ADCY9: variants seen among roughly 807,000 people sequenced by gnomAD.
The protein encoded by ADCY9 is adenylate cyclase 9.
In ADCY9, 50 loss-of-function variants were observed where a neutral mutation model predicts 101.5. The ratio of observed to expected loss-of-function variants is 0.49; its 90% CI spans 0.39 to 0.62. The LOEUF is 0.62. Among genes scored for constraint, ADCY9 ranks in the 20% least tolerant of loss-of-function variants. The probability of loss-of-function intolerance (pLI) is 0.00; values close to 1 mark genes in which losing one functional copy is unlikely to be tolerated. For synonymous variants in ADCY9, 905 were observed against 769.3 expected, an observed-to-expected ratio of 1.18 and a Z score of -2.92; for missense variants, 1,662 against 1,800.4, an observed-to-expected ratio of 0.92 and a Z score of 1.39.
intron 2 of ADCY9, among the ~76,000 whole-genome samples, chr16:4,031,216 G>A (rs1253264647): frequency 6.6e-6 from 1 of 152,132 alleles, no homozygotes; most frequent in Non-Finnish European, 1.5e-5. Context: ...AGGATAATTT[G>A]TTTTGTCTGT....
At chr16:4,080,402 C>G (rs1036867400) in intron 2 of ADCY9, among the ~76,000 whole-genome samples, 1 of 152,058 alleles carries the variant, frequency 6.6e-6, no homozygotes. Flanking sequence ...CGCCACCACA[C>G]CCGATTAATT....
At chr16:3,993,283 G>A in intron 4 of ADCY9, 123 bp downstream of exon 4, 1 of 1,483,040 alleles carries the variant, frequency 6.7e-7, no homozygotes, top group Admixed American at 2.2e-5. Flanking sequence ...ACCCGCGGGT[G>A]CGGAGTGCTG....
At chr16:3,994,390 G>A (rs540998285) in intron 3 of ADCY9, among the ~76,000 whole-genome samples, 2 of 152,268 alleles carry the variant, frequency 1.3e-5, no homozygotes, top group South Asian at 2.1e-4. Flanking sequence ...AATTGATCAC[G>A]GTGATGGTTG....
rs911792033 is a variant in ADCY9, at chr16:4,115,630, T to G, written c.-44+60A>C. 5 of 698,660 alleles carry G rather than the reference T, an allele frequency of 7.2e-6. No homozygotes were observed. The highest frequency in any genetic ancestry group is 3.6e-5 in the African/African-American group (2 of 55,756). 43.3% of individuals were successfully genotyped at this position (698,660 alleles called of 1,614,324 possible). A position where few individuals can be genotyped will look rare whatever the true frequency, so the allele number is the denominator to read the frequency against. The stretch of plus-strand genomic sequence containing the variant: ...GTTCCTGTGGTTCCCGGCTCAGCGG[T>G]GCTCCCACCGCCCCCACCGCCCCCA... On this transcript the variant is annotated intron_variant, in intron 1 of 10. Transcript: ENST00000294016. This position sits in a 1 kb window ranked among gnomAD's most constrained non-coding sequence, Gnocchi z 6.2.
At chr16:3,973,475 G>A (rs2056069265) in intron 10 of ADCY9, among the ~76,000 whole-genome samples, 1 of 152,116 alleles carries the variant, frequency 6.6e-6, no homozygotes, top group African/African-American at 2.4e-5. Flanking sequence ...CCAAAGTGCT[G>A]GAATTACAGG....
chr16:4,075,759 C>T (rs987327476), intron 2 of ADCY9, among the ~76,000 whole-genome samples: 1 of 151,960 alleles, frequency 6.6e-6, no homozygotes. Context: ...GGGGGCCAGG[C>T]GGGAGGGCTC....
chr16:4,093,266 T>G (rs1329923323), intron 2 of ADCY9, among the ~76,000 whole-genome samples: 1 of 152,218 alleles, frequency 6.6e-6, no homozygotes, highest in Admixed American at 6.5e-5. Flanking sequence ...ACATGGCAAA[T>G]GAGGTTGGTT....
chr16:4,084,320 C>A (rs2056923877), intron 2 of ADCY9, among the ~76,000 whole-genome samples: 1 of 151,928 alleles, frequency 6.6e-6, no homozygotes, highest in Admixed American at 6.6e-5. Flanking sequence ...CCATGTTGGC[C>A]AGGCTGGTCT....
At chr16:4,042,786 T>C (rs2056636037) in intron 2 of ADCY9, among the ~76,000 whole-genome samples, 1 of 152,226 alleles carries the variant, frequency 6.6e-6, no homozygotes, top group South Asian at 2.1e-4. Context: ...ATTTACAGTG[T>C]AGGATGTGAC....
chr16:4,071,309 C>T (rs1351090685), intron 2 of ADCY9, among the ~76,000 whole-genome samples: 4 of 74,482 alleles, frequency 5.4e-5, no homozygotes, highest in Non-Finnish European at 7.7e-5. Flanking sequence ...CCAGCCTGGG[C>T]AACAAAAGCG....
At chr16:3,956,995 T>C (rs190246957) in intron 5 of ADCY9, among the ~76,000 whole-genome samples, 2 of 152,296 alleles carry the variant, frequency 1.3e-5, no homozygotes, top group East Asian at 3.9e-4. Context: ...GCAATGAATC[T>C]TATGAAAAGA....
chr16:3,983,546 G>A (rs2056164553), intron 6 of ADCY9, 106 bp from the exon 7 acceptor site: 1 of 959,602 alleles, frequency 1.0e-6, no homozygotes, highest in South Asian at 1.5e-5. Context: ...GCTGCTCTGG[G>A]CCAGGCACAG....
chr16:4,007,314 T>A, intron 3 of ADCY9, 54 bp downstream of exon 3: 2 of 1,447,656 alleles, frequency 1.4e-6, no homozygotes, highest in East Asian at 4.7e-5. Context: ...CGTGCTCTAC[T>A]GCAGAATTAA....
intron 3 of ADCY9, among the ~76,000 whole-genome samples, chr16:3,997,205 G>A (rs753695277): frequency 6.6e-5 from 10 of 152,206 alleles, no homozygotes; most frequent in Non-Finnish European, 1.5e-4. Context: ...TGCTTCTTCA[G>A]TGCCCCCCAC....
chr16:3,994,265 G>C (rs1212457660), intron 3 of ADCY9, among the ~76,000 whole-genome samples: 1 of 152,160 alleles, frequency 6.6e-6, no homozygotes, highest in African/African-American at 2.4e-5. Flanking sequence ...CCGGGACCTT[G>C]ATCTCGGACT....
chr16:3,979,391 G>A (rs1453674487), intron 7 of ADCY9, 116 bp from the exon 8 acceptor site: 10 of 1,267,394 alleles, frequency 7.9e-6, no homozygotes, highest in Non-Finnish European at 1.1e-5. Context: ...TGTTGCCCCT[G>A]GGATGGGCGT....
intron 2 of ADCY9, among the ~76,000 whole-genome samples, chr16:4,025,286 T>C (rs1221917899): frequency 6.6e-6 from 1 of 151,310 alleles, no homozygotes; most frequent in Non-Finnish European, 1.5e-5. Context: ...GGCAGGAGAA[T>C]TGCCTTGAAC....
intron 3 of ADCY9, among the ~76,000 whole-genome samples, chr16:4,001,102 CG>C (rs972479777): frequency 2.0e-5 from 3 of 151,918 alleles, no homozygotes; most frequent in Non-Finnish European, 4.4e-5. Flanking sequence ...ACATACTCAC[CG>C]TACAGTTATC....
chr16:4,080,717 C>A (rs1170347255), intron 2 of ADCY9, among the ~76,000 whole-genome samples: 1 of 70,262 alleles, frequency 1.4e-5, no homozygotes. Context: ...ACATTTTTTT[C>A]GTTTTTTTTT....
Sources: allele counts gnomAD v4.1 joint callset (sites outside exome capture counted in the v4.1 genomes callset), GRCh38; gene constraint gnomAD v4.1.1; non-coding constraint Gnocchi (gnomAD v3.1); transcripts MANE v1.5; gene names NCBI Gene and HGNC (gene_info 2026-07-23, HGNC 2026-07-21).